STPG2: variants seen among roughly 807,000 people sequenced by gnomAD.
STPG2 encodes the protein sperm-tail PG-rich repeat-containing protein 2.
A neutral mutation model predicts 54.2 loss-of-function variants in STPG2; 56 were observed. The observed-to-expected ratio is 1.03, with a 90% CI of 0.83 to 1.29. STPG2 has a LOEUF of 1.29. Ranked by LOEUF, STPG2 falls within the 50% of genes most tolerant of loss-of-function variation. The probability of loss-of-function intolerance (pLI) is 0.00; values close to 1 mark genes in which losing one functional copy is unlikely to be tolerated. For synonymous variants in STPG2, 200 were observed against 181.8 expected (o/e 1.10, Z -0.81); for missense variants, 596 against 544.9 (o/e 1.09, Z -0.93).
At chr4:97,701,512 C>G (rs34206317) in intron 10 of STPG2, among the ~76,000 whole-genome samples, 4,786 of 152,254 alleles carry the variant, frequency 0.031, 136 homozygotes, top group Middle Eastern at 0.092. Context: ...AAAAGATTAA[C>G]AGCATAAATT....
At chr4:97,795,410 T>C (rs953141965) in intron 9 of STPG2, among the ~76,000 whole-genome samples, 11 of 152,186 alleles carry the variant, frequency 7.2e-5, no homozygotes, top group Non-Finnish European at 1.5e-4. Context: ...AGTGTTCTCA[T>C]TGTTCAATTC....
At chr4:98,030,790 A>AT (rs908424492) in intron 5 of STPG2, among the ~76,000 whole-genome samples, 1 of 152,324 alleles carries the variant, frequency 6.6e-6, no homozygotes, top group Non-Finnish European at 1.5e-5. Flanking sequence ...TGGGGAAAGG[A>AT]TTTTCTATTC....
intron 4 of STPG2, among the ~76,000 whole-genome samples, chr4:97,553,144 C>T (rs1578383048): frequency 1.3e-5 from 2 of 152,244 alleles, no homozygotes; most frequent in African/African-American, 4.8e-5. Context: ...CATTCTATTT[C>T]TTTATGACAT....
chr4:97,860,710 G>A (rs532051359), intron 8 of STPG2, among the ~76,000 whole-genome samples: 11 of 152,046 alleles, frequency 7.2e-5, no homozygotes, highest in African/African-American at 1.4e-4. Flanking sequence ...ATACATGACC[G>A]TATCATCAGC....
chr4:97,881,584 A>C (rs535282910), intron 8 of STPG2, among the ~76,000 whole-genome samples: 2 of 152,174 alleles, frequency 1.3e-5, no homozygotes, highest in Non-Finnish European at 2.9e-5. Flanking sequence ...TGACATAAAT[A>C]ATATTCTGCC....
At chr4:97,522,455 T>C (rs1269163568) in intron 4 of STPG2, among the ~76,000 whole-genome samples, 1 of 152,054 alleles carries the variant, frequency 6.6e-6, no homozygotes, top group East Asian at 1.9e-4. Flanking sequence ...TGTTTTACAA[T>C]GGAATATGGT....
intron 8 of STPG2, among the ~76,000 whole-genome samples, chr4:97,904,924 C>A (rs992921082): frequency 6.6e-6 from 1 of 151,958 alleles, no homozygotes; most frequent in African/African-American, 2.4e-5. Context: ...TAAAAAGAAA[C>A]GAGCAAAGCC....
chr4:97,565,839 C>T (rs1051750045), intron 10 of STPG2, among the ~76,000 whole-genome samples: 15 of 115,996 alleles, frequency 1.3e-4, no homozygotes, highest in Admixed American at 2.9e-4. Context: ...GTCATTCTGC[C>T]GCTACTGGGG....
At chr4:97,473,779 G>A (rs1215180945) in intron 4 of STPG2, among the ~76,000 whole-genome samples, 10 of 152,052 alleles carry the variant, frequency 6.6e-5, no homozygotes, top group Admixed American at 1.3e-4. Flanking sequence ...TGTCTCCCCC[G>A]GATGCCCAGC....
At chr4:97,797,265 C>T (rs1727223876) in intron 9 of STPG2, among the ~76,000 whole-genome samples, 1 of 152,108 alleles carries the variant, frequency 6.6e-6, no homozygotes, top group African/African-American at 2.4e-5. Flanking sequence ...TGTCTTGTGC[C>T]AGTTTTCAAA....
At chr4:97,460,277 T>C (rs1412319193) in intron 4 of STPG2, among the ~76,000 whole-genome samples, 1 of 152,196 alleles carries the variant, frequency 6.6e-6, no homozygotes, top group African/African-American at 2.4e-5. Flanking sequence ...TTCTCTGCTT[T>C]ATTTTTTTCT....
intron 8 of STPG2, among the ~76,000 whole-genome samples, chr4:97,868,938 G>A (rs982576406): frequency 3.3e-5 from 5 of 151,742 alleles, no homozygotes; most frequent in African/African-American, 1.2e-4. Context: ...GAGAAATTTC[G>A]AGTTATCTTA....
At chr4:97,466,111 C>A (rs1729782807) in intron 4 of STPG2, among the ~76,000 whole-genome samples, 1 of 151,764 alleles carries the variant, frequency 6.6e-6, no homozygotes, top group African/African-American at 2.4e-5. Flanking sequence ...ATTATAATAC[C>A]AAAAGGTAAT....
chr4:97,524,799 C>A (rs184083835), intron 4 of STPG2, among the ~76,000 whole-genome samples: 1 of 152,064 alleles, frequency 6.6e-6, no homozygotes, highest in Admixed American at 6.6e-5. Flanking sequence ...CAAAAGCAAG[C>A]TAATATTCTG....
In STPG2 at chr4:97,513,102, T is replaced by C. The variant is rs1461740874; in HGVS notation, c.462+199597A>G. Among the ~76,000 whole-genome samples the C allele has an allele frequency of 2.6e-5, 4 of 152,202 alleles. No individual in the cohort carries two copies. In the South Asian group the frequency reaches 8.3e-4, roughly 32 times the overall value. Reference sequence around the variant, plus strand: ...ACTCCTTTCTTGGATTTGATTAATTTCCAAGAACAGCTCACAGAACTAAGG... The same window carrying C: ...ACTCCTTTCTTGGATTTGATTAATTCCCAAGAACAGCTCACAGAACTAAGG... On this transcript the variant is annotated intron_variant, in intron 4 of 4. Coordinates refer to the STPG2 transcript ENST00000522676.
At chr4:97,588,435 G>A (rs1733053785) in intron 10 of STPG2, among the ~76,000 whole-genome samples, 1 of 151,978 alleles carries the variant, frequency 6.6e-6, no homozygotes, top group South Asian at 2.1e-4. Flanking sequence ...TATTGAATAT[G>A]AGATATGAAC....
chr4:97,873,980 T>C (rs1578644604), intron 8 of STPG2, among the ~76,000 whole-genome samples: 1 of 151,670 alleles, frequency 6.6e-6, no homozygotes, highest in East Asian at 1.9e-4. Flanking sequence ...TCTTTATATT[T>C]TTTCTCTAAT....
chr4:97,854,353 T>C (rs1458557887), intron 8 of STPG2, among the ~76,000 whole-genome samples: 3 of 151,932 alleles, frequency 2.0e-5, no homozygotes, highest in Admixed American at 2.0e-4. Flanking sequence ...ATAATAATAG[T>C]TCCTACCTTC....
chr4:97,457,509 G>A (rs1022025641), intron 4 of STPG2, among the ~76,000 whole-genome samples: 1 of 152,168 alleles, frequency 6.6e-6, no homozygotes, highest in African/African-American at 2.4e-5. Context: ...TCATTGTCAT[G>A]CTTCCATGAA....
Sources: allele counts gnomAD v4.1 joint callset (sites outside exome capture counted in the v4.1 genomes callset), GRCh38; gene constraint gnomAD v4.1.1; transcripts MANE v1.5; gene names NCBI Gene and HGNC (gene_info 2026-07-23, HGNC 2026-07-21).